Variants in GAPVD1 observed in about 807,000 individuals in gnomAD.
GAPVD1 encodes GTPase activating protein and VPS9 domains 1.
Under a neutral mutation model 155.5 loss-of-function variants are expected in GAPVD1, and 35 were observed. The ratio of observed to expected loss-of-function variants is 0.23; its 90% CI spans 0.17 to 0.30. The LOEUF is 0.30. GAPVD1 is among the 10% of genes least tolerant of loss of function. The pLI is 1.00. For missense variants in GAPVD1, 1,429 were observed against 1,775.7 expected (o/e 0.80, Z 3.51); for synonymous variants, 636 against 619.7 (o/e 1.03, Z -0.39).
At chr9:125,282,480 C>T (rs535009738) in intron 2 of GAPVD1, among the ~76,000 whole-genome samples, 1 of 152,230 alleles carries the variant, frequency 6.6e-6, no homozygotes, top group African/African-American at 2.4e-5. Flanking sequence ...GTCTTTTACA[C>T]ATGTAGGTTT....
chr9:125,327,298 A>G (rs1015043120), intron 12 of GAPVD1, among the ~76,000 whole-genome samples: 1 of 151,364 alleles, frequency 6.6e-6, no homozygotes, highest in African/African-American at 2.4e-5. Flanking sequence ...TAGTCTTGTA[A>G]CCCTCATCTT....
At position 125,326,468 on chromosome 9, in the gene GAPVD1, C is replaced by T. The variant is rs1287870862; in HGVS notation, c.1911C>T (p.Asp637=). 1 of 1,611,678 alleles carries T rather than the reference C, an allele frequency of 6.2e-7. No individual in the cohort carries two copies. The highest frequency in any genetic ancestry group is 8.5e-7 in the Non-Finnish European group (1 of 1,177,748). The stretch of plus-strand genomic sequence containing the variant: ...AGCTAAGGAAGTTTGAAATTCGTGA[C>T]ATGATGGGATTAACAGATGATAGGG... The part of the protein sequence containing the change: ...DDKLRKFEIR[D]MMGLTDDRDI... Residue 637 remains aspartate (D), a synonymous_variant, in exon 12 of 28, where the codon GAC becomes GAT. Coordinates refer to ENST00000297933, the MANE Select transcript of GAPVD1 (RefSeq NM_001282680.3).
At chr9:125,294,782 A>C (rs1839571664) in intron 2 of GAPVD1, among the ~76,000 whole-genome samples, 1 of 151,754 alleles carries the variant, frequency 6.6e-6, no homozygotes, top group South Asian at 2.1e-4. Context: ...ATTTAAGCTC[A>C]GTCAAGAGAT....
intron 15 of GAPVD1, among the ~76,000 whole-genome samples, chr9:125,336,197 C>A (rs1266487239): frequency 6.7e-6 from 1 of 149,864 alleles, no homozygotes; most frequent in African/African-American, 2.5e-5. Flanking sequence ...CTGTTTTAGT[C>A]CATCTTTTAT....
chr9:125,322,696 A>T (rs1844517058), intron 10 of GAPVD1, among the ~76,000 whole-genome samples: 1 of 151,736 alleles, frequency 6.6e-6, no homozygotes, highest in Non-Finnish European at 1.5e-5. Flanking sequence ...CACATGGCAT[A>T]TCATAATTTT....
At chr9:125,307,341 C>T in intron 6 of GAPVD1, 72 bp from the exon 7 acceptor site, 2 of 1,035,496 alleles carry the variant, frequency 1.9e-6, no homozygotes, top group Non-Finnish European at 2.7e-6. Context: ...TCATGCTTGT[C>T]CACCTTAATG....
chr9:125,325,843 G>C (rs542432846), intron 11 of GAPVD1, among the ~76,000 whole-genome samples: 5 of 152,276 alleles, frequency 3.3e-5, no homozygotes, highest in Admixed American at 3.3e-4. Flanking sequence ...TTACCCATGG[G>C]CAAACTTGGT....
chr9:125,287,278 C>T (rs1564294235), intron 2 of GAPVD1, among the ~76,000 whole-genome samples: 1 of 152,180 alleles, frequency 6.6e-6, no homozygotes, highest in Non-Finnish European at 1.5e-5. Context: ...TGGCTCATGC[C>T]TGTAATCCTA....
Position 125,302,416 on chromosome 9 carries a change from C to T in GAPVD1, c.619C>T (p.Leu207=). ...CACTTTACATGAGCCAATTATGCAA[C>T]TGCTTGTTGAAGATGAAGATCACCT... is the stretch of plus-strand genomic sequence containing the variant. The part of the protein sequence containing the change: ...TATLHEPIMQ[L]LVEDEDHLET... Residue 207 remains leucine, a synonymous_variant, in exon 5 of 28, where the codon CTG becomes TTG. Transcript: ENST00000297933. 1 of 1,613,722 alleles carries T rather than the reference C, an allele frequency of 6.2e-7. No homozygotes were observed. The highest frequency in any genetic ancestry group is 8.5e-7 in the Non-Finnish European group (1 of 1,179,748).
intron 1 of GAPVD1, chr9:125,263,584 A>G: frequency 3.5e-6 from 5 of 1,417,528 alleles, no homozygotes; most frequent in African/African-American, 1.4e-5. Flanking sequence ...CTCCAATTTT[A>G]CTGAGGTGGC....
chr9:125,267,114 T>C (rs902075629), intron 1 of GAPVD1, among the ~76,000 whole-genome samples: 2 of 152,202 alleles, frequency 1.3e-5, no homozygotes, highest in African/African-American at 4.8e-5. Flanking sequence ...CTTTGAAAAA[T>C]TGTAAGCCTA....
At chr9:125,268,593 T>C (rs1834378334) in intron 1 of GAPVD1, among the ~76,000 whole-genome samples, 1 of 147,208 alleles carries the variant, frequency 6.8e-6, no homozygotes, top group Admixed American at 6.9e-5. Flanking sequence ...TCCACCTCCC[T>C]GTCTCAAGAG....
At chr9:125,293,842 A>AAATATATTTTATATATATAT (rs1564310397) in intron 2 of GAPVD1, among the ~76,000 whole-genome samples, 17 of 78,016 alleles carry the variant, frequency 2.2e-4, no homozygotes, top group African/African-American at 7.7e-4. Flanking sequence ...TATATATATA[A>AAATATATTTTATATATATAT]AAATATATTT....
At chr9:125,352,518 G>A (rs1315892423) in intron 23 of GAPVD1, among the ~76,000 whole-genome samples, 2 of 152,232 alleles carry the variant, frequency 1.3e-5, no homozygotes, top group Non-Finnish European at 2.9e-5. Flanking sequence ...TAGAGCGGCC[G>A]GAGGGCAGGG....
intron 23 of GAPVD1, among the ~76,000 whole-genome samples, chr9:125,353,323 A>C (rs1157657977): frequency 6.6e-6 from 1 of 151,870 alleles, no homozygotes; most frequent in Non-Finnish European, 1.5e-5. Context: ...CCTCATCTCC[A>C]CCTCAGCCTG....
intron 2 of GAPVD1, among the ~76,000 whole-genome samples, chr9:125,279,234 T>C (rs1460674735): frequency 2.7e-5 from 4 of 148,710 alleles, no homozygotes; most frequent in Non-Finnish European, 5.9e-5. Context: ...AAGACAGTCA[T>C]GTACTCTTTT....
intron 11 of GAPVD1, among the ~76,000 whole-genome samples, chr9:125,325,649 A>C (rs1470072930): frequency 6.6e-6 from 1 of 152,222 alleles, no homozygotes; most frequent in East Asian, 1.9e-4. Flanking sequence ...AAAAGAAGTC[A>C]GTTTTTAGAA....
Position 125,337,355 on chromosome 9 carries a change from C to T in GAPVD1, c.2641C>T (p.Pro881Ser), listed in dbSNP as rs1369608423. Residue 881 changes from proline to serine, a missense_variant, in exon 17 of 28, where the codon CCA becomes TCA. Pro to Ser is a moderately conservative substitution (Grantham distance 74, BLOSUM62 -1). This residue lies in a region of GAPVD1 where 699 missense variants were observed against 826.0 expected (regional missense o/e 0.85). Transcript: ENST00000297933. ...AAACTTTGGTTCCCATGTTTTAACT[C>T]CAGCTGAAATGGAGGCATTCAAGCA... ...LPNFGSHVLT[P>S]AEMEAFKQRH... The T allele has an allele frequency of 6.2e-7, 1 of 1,614,156 alleles. No individual in the cohort carries two copies. The highest frequency in any genetic ancestry group is 1.7e-5 in the Admixed American group (1 of 60,024).
intron 2 of GAPVD1, among the ~76,000 whole-genome samples, chr9:125,282,894 A>C (rs1387944874): frequency 6.6e-6 from 1 of 152,146 alleles, no homozygotes; most frequent in Non-Finnish European, 1.5e-5. Context: ...TAGTCTTTGT[A>C]GAAATTAAGA....
Sources: allele counts gnomAD v4.1 joint callset (sites outside exome capture counted in the v4.1 genomes callset), GRCh38; gene constraint gnomAD v4.1.1; regional missense constraint gnomAD v4.1.1; transcripts MANE v1.5; gene names NCBI Gene and HGNC (gene_info 2026-07-23, HGNC 2026-07-21).